Variants in MYD88 observed in about 807,000 individuals in gnomAD.
MYD88 encodes the protein MYD88 innate immune signal transduction adaptor.
Under a neutral mutation model 31.1 loss-of-function variants are expected in MYD88, and 15 were observed. That is an observed-to-expected ratio of 0.48 (90% confidence interval 0.32 to 0.74). The LOEUF is 0.74. MYD88 is among the 30% of genes least tolerant of loss of function. The pLI is 0.03. For missense variants in MYD88, 308 were observed against 387.4 expected, an observed-to-expected ratio of 0.79 and a Z score of 1.72; for synonymous variants, 157 against 158.8, an observed-to-expected ratio of 0.99 and a Z score of 0.08.
In MYD88 at chr3:38,139,188, A is replaced by G; in HGVS notation, c.328+160A>G. 1 of 1,018,774 alleles carries G rather than the reference A, an allele frequency of 9.8e-7. No homozygotes were observed. The highest frequency in any genetic ancestry group is 1.4e-6 in the Non-Finnish European group (1 of 720,760). 63.1% of individuals were successfully genotyped at this position (1,018,774 alleles called of 1,614,324 possible). On this transcript the variant is annotated intron_variant, in intron 1 of 4. Transcript: ENST00000650905. This position sits in a 1 kb window ranked among gnomAD's most constrained non-coding sequence, Gnocchi z 4.7. ...CATGCGGGTCCCGTTCCTTCTTAAT[A>G]ACCGGTCGCGGTTATTAAGAAGGAC...
In MYD88 at chr3:38,138,668, C is replaced by T; in HGVS notation, c.-33C>T. On this transcript the variant is annotated 5_prime_UTR_variant, in exon 1 of 5. Coordinates refer to ENST00000650905, the MANE Select transcript of MYD88 (RefSeq NM_002468.5). The surrounding 1 kb of genome is among the most constrained non-coding windows in gnomAD (Gnocchi z 6.4). Reference sequence around the variant, plus strand: ...GAGGAAGCGCTGGCAGACAATGCGACCCGACCGCGCTGAGGCTCCAGGACC... The same window carrying T: ...GAGGAAGCGCTGGCAGACAATGCGATCCGACCGCGCTGAGGCTCCAGGACC... 1 of 1,557,152 alleles carries T rather than the reference C, an allele frequency of 6.4e-7. No homozygotes were observed. Among genetic ancestry groups the T allele is most frequent in the Non-Finnish European group, 8.7e-7 (1 of 1,150,176 alleles).
chr3:38,141,257 C>T lies in MYD88; in HGVS notation c.862C>T (p.Arg288Cys), dbSNP rs765995806. 6 of 1,614,118 alleles carry T rather than the reference C, an allele frequency of 3.7e-6. No individual in the cohort carries two copies. Among genetic ancestry groups the T allele is most frequent in the African/African-American group, 2.7e-5 (2 of 74,914 alleles). The change falls in exon 5 of 5, where the codon CGC becomes TGC. Residue 288 changes from arginine (R) to cysteine (C), a missense_variant. Physicochemically the swap from Arg to Cys is radical, Grantham distance 180 (BLOSUM62 -3). Transcript: ENST00000650905. ...NPCTKSWFWT[R>C]LAKALSLP ...CTGCACCAAATCTTGGTTCTGGACT[C>T]GCCTTGCCAAGGCCTTGTCCCTGCC...
chr3:38,140,519 C>T lies in MYD88; in HGVS notation c.595C>T (p.Leu199=), dbSNP rs2125778746. ...GTTGTGTGTGTCTGACCGCGATGTC[C>T]TGCCTGGCACCTGTGTCTGGTCTAT... ...LKLCVSDRDV[L]PGTCVWSIAS... The change falls in exon 3 of 5, where the codon CTG becomes TTG. Residue 199 remains leucine, a synonymous_variant. Coordinates refer to ENST00000650905, the MANE Select transcript of MYD88 (RefSeq NM_002468.5). 1.2e-6 allele frequency: 2 copies of T among 1,614,244 alleles called. No homozygotes were observed. Among genetic ancestry groups the T allele is most frequent in the Non-Finnish European group, 1.7e-6 (2 of 1,180,048 alleles).
chr3:38,139,716 G>A lies in MYD88; in HGVS notation c.329-148G>A. On this transcript the variant is annotated intron_variant, in intron 1 of 4. Transcript: ENST00000650905. The surrounding 1 kb of genome is among the most constrained non-coding windows in gnomAD (Gnocchi z 4.7). ...GCCAGTGGGAGCTCAACTTCTCAGA[G>A]CCGTTGAGCTTCGCGTGGCACCAGT... is the stretch of plus-strand genomic sequence containing the variant. 1 of 990,740 alleles carries A rather than the reference G, an allele frequency of 1.0e-6. No individual in the cohort carries two copies. The highest frequency in any genetic ancestry group is 2.5e-5 in the East Asian group (1 of 40,498). 61.4% of individuals were successfully genotyped at this position (990,740 alleles called of 1,614,324 possible).
intron 2 of MYD88, 188 bp from the exon 3 acceptor site, chr3:38,140,200 C>A: frequency 1.1e-6 from 1 of 941,966 alleles, no homozygotes; most frequent in Non-Finnish European, 1.6e-6. Context: ...ATGTCTGTCT[C>A]GTGGTTAATC....
rs1015512101 is a variant in MYD88 at position 38,141,758 on chromosome 3, A to G, written c.*472A>G. ...CTACATGCTGGCCACTGCTGTGACC[A>G]CGACACTGCTGGGGCAGCTTCTTCC... On this transcript the variant is annotated 3_prime_UTR_variant, in exon 5 of 5. Transcript: ENST00000650905. 2.0e-5 allele frequency: 7 copies of G among 353,762 alleles called. No individual in the cohort carries two copies. The highest frequency in any genetic ancestry group is 1.4e-4 in the African/African-American group (7 of 49,550). 21.9% of individuals were successfully genotyped at this position (353,762 alleles called of 1,614,324 possible).
In MYD88 at chr3:38,141,232, C is replaced by T. The variant is rs772838610; in HGVS notation, c.837C>T (p.Pro279=). ...RFITVCDYTN[P]CTKSWFWTRL... is the part of the protein sequence containing the mutation. ...TCACTGTCTGCGACTACACCAACCC[C>T]TGCACCAAATCTTGGTTCTGGACTC... Residue 279 remains proline (P), a synonymous_variant, in exon 5 of 5, where the codon CCC becomes CCT. Transcript: ENST00000650905. 29 of 1,614,112 alleles carry T rather than the reference C, an allele frequency of 1.8e-5. No individual in the cohort carries two copies. The South Asian group carries it at 3.2e-4, about 18-fold the overall frequency.
In MYD88 at chr3:38,139,805, T is replaced by C; in HGVS notation, c.329-59T>C. The stretch of plus-strand genomic sequence containing the variant: ...GGTGGGACAGCGGCTGGATCCTGAC[T>C]GTGGGTAAAGAGGTAGGCACTCCCA... On this transcript the variant is annotated intron_variant, in intron 1 of 4. Transcript: ENST00000650905. This position sits in a 1 kb window ranked among gnomAD's most constrained non-coding sequence, Gnocchi z 4.7. 1 of 1,606,766 alleles carries C rather than the reference T, an allele frequency of 6.2e-7. No individual in the cohort carries two copies. The highest frequency in any genetic ancestry group is 8.5e-7 in the Non-Finnish European group (1 of 1,178,124).
intron 4 of MYD88, 29 bp downstream of exon 4, chr3:38,140,877 A>G (rs2125779870): frequency 6.3e-7 from 1 of 1,599,092 alleles, no homozygotes; most frequent in South Asian, 1.1e-5. Context: ...TGGCAAGAGA[A>G]TGAGGGAATG....
At position 38,139,081 on chromosome 3, in the gene MYD88, T is replaced by C. The variant is rs1701010236; in HGVS notation, c.328+53T>C. 2.6e-6 allele frequency: 4 copies of C among 1,568,438 alleles called. No homozygotes were observed. The highest frequency in any genetic ancestry group is 1.8e-5 in the Admixed American group (1 of 56,844). On this transcript the variant is annotated intron_variant, in intron 1 of 4. Coordinates refer to ENST00000650905, the MANE Select transcript of MYD88 (RefSeq NM_002468.5). The surrounding 1 kb of genome is among the most constrained non-coding windows in gnomAD (Gnocchi z 4.7). ...ACCTGGGGGGTGAGGAGGCTGACTT[T>C]CCGCGGCCTCAGCATCCTGTCTCCC... is the stretch of plus-strand genomic sequence containing the variant.
At chr3:38,140,235 A>G (rs899186553) in intron 2 of MYD88, 153 bp from the exon 3 acceptor site, 5 of 1,002,768 alleles carry the variant, frequency 5.0e-6, no homozygotes, top group Non-Finnish European at 7.6e-6. Context: ...TGAGGTACTC[A>G]TCTTTCCTCT....
intron 2 of MYD88, 107 bp downstream of exon 2, chr3:38,140,105 T>C: frequency 7.0e-7 from 1 of 1,422,400 alleles, no homozygotes; most frequent in Non-Finnish European, 9.7e-7. Flanking sequence ...GCAAGTCACT[T>C]AATCTTTCTG....
In MYD88 at chr3:38,140,497, G is replaced by T. The variant is rs770441444; in HGVS notation, c.573G>T (p.Leu191Phe). 1.2e-6 allele frequency: 2 copies of T among 1,614,252 alleles called. No individual in the cohort carries two copies. Among genetic ancestry groups the T allele is most frequent in the South Asian group, 1.1e-5 (1 of 91,088 alleles). Residue 191 changes from leucine (L) to phenylalanine (F), a missense_variant, in exon 3 of 5, where the codon TTG becomes TTT. By Grantham distance (22) the Leu-to-Phe change is conservative (BLOSUM62 0). Coordinates refer to ENST00000650905, the MANE Select transcript of MYD88 (RefSeq NM_002468.5). ...QLEQTNYRLK[L>F]CVSDRDVLPG... ...AACAGACAAACTATCGACTGAAGTT[G>T]TGTGTGTCTGACCGCGATGTCCTGC...
chr3:38,139,118 C>T lies in MYD88; in HGVS notation c.328+90C>T. The T allele has an allele frequency of 6.9e-7, 1 of 1,459,724 alleles. No homozygotes were observed. 90.4% of individuals were successfully genotyped at this position (1,459,724 alleles called of 1,614,324 possible). ...GCATCCTGTCTCCCATGGAGAGACCCCATTTCCTGCCTCGGGGGCCCGAAG... is the reference window on the plus strand; with the variant it reads ...GCATCCTGTCTCCCATGGAGAGACCTCATTTCCTGCCTCGGGGGCCCGAAG... On this transcript the variant is annotated intron_variant, in intron 1 of 4. Coordinates refer to ENST00000650905, the MANE Select transcript of MYD88 (RefSeq NM_002468.5). The surrounding 1 kb of genome is among the most constrained non-coding windows in gnomAD (Gnocchi z 4.7).
intron 4 of MYD88, 105 bp from the exon 5 acceptor site, chr3:38,141,027 G>A: frequency 6.6e-7 from 1 of 1,508,480 alleles, no homozygotes; most frequent in Non-Finnish European, 9.2e-7. Context: ...TGTGCCAGGG[G>A]TACTTAGATG....
rs897728902 is a variant in MYD88 at position 38,138,998 on chromosome 3, G to A, written c.298G>A (p.Asp100Asn). Residue 100 changes from aspartate (D) to asparagine (N), a missense_variant, in exon 1 of 5, where the codon GAC (aspartate) becomes AAC (asparagine). By Grantham distance (23) the Asp-to-Asn change is conservative (BLOSUM62 1). Coordinates refer to ENST00000650905, the MANE Select transcript of MYD88 (RefSeq NM_002468.5). This position sits in a 1 kb window ranked among gnomAD's most constrained non-coding sequence, Gnocchi z 6.4. The stretch of plus-strand genomic sequence containing the variant: ...GCTGCTTACCAAGCTGGGCCGCGAC[G>A]ACGTGCTGCTGGAGCTGGGACCCAG... ...LELLTKLGRD[D>N]VLLELGPSIE... is the part of the protein sequence containing the mutation. The A allele has an allele frequency of 1.2e-6, 2 of 1,606,250 alleles. No homozygotes were observed. The highest frequency in any genetic ancestry group is 1.7e-6 in the Non-Finnish European group (2 of 1,179,858).
Position 38,142,030 on chromosome 3 carries a change from C to A in MYD88, c.*744C>A. ...TGGGCTGCTTTTCATTTCCACCTGT[C>A]AGGATGCCTGTGGTCATGCTCTCAG... On this transcript the variant is annotated 3_prime_UTR_variant, in exon 5 of 5. Transcript: ENST00000650905. The A allele has an allele frequency of 8.5e-6, 2 of 236,140 alleles. No individual in the cohort carries two copies. The highest frequency in any genetic ancestry group is 5.4e-5 in the Admixed American group (1 of 18,474). 14.6% of individuals were successfully genotyped at this position (236,140 alleles called of 1,614,324 possible).
rs779805093 is a variant in MYD88 at position 38,138,782 on chromosome 3, C to T, written c.82C>T (p.Arg28Ter). 1 of 1,613,208 alleles carries T rather than the reference C, an allele frequency of 6.2e-7. No homozygotes were observed. Among genetic ancestry groups the T allele is most frequent in the Non-Finnish European group, 8.5e-7 (1 of 1,179,982 alleles). ...SSLPLAALNMRVRRRLSLFLN... is the reference protein window; with the variant it reads ...SSLPLAALNM Reference sequence around the variant, plus strand: ...CCTTCCCCTGGCTGCTCTCAACATGCGAGTGCGGCGCCGCCTGTCTCTGTT... The same window carrying T: ...CCTTCCCCTGGCTGCTCTCAACATGTGAGTGCGGCGCCGCCTGTCTCTGTT... Residue 28 changes from arginine (R) to a stop codon, truncating the protein, a stop_gained, in exon 1 of 5, where the codon CGA becomes TGA. Transcript: ENST00000650905. LOFTEE classifies it high-confidence loss of function. The surrounding 1 kb of genome is among the most constrained non-coding windows in gnomAD (Gnocchi z 6.4).
rs1701085550 is a variant in MYD88 at position 38,141,699 on chromosome 3, AGGCTT to A, written c.*418_*422del. ...AGCTCTGGGTCTCCTGGGGGAGACC[AGGCTT>A]GGCTGCGGGAGAGCTGGCTGTTGCT... On this transcript the variant is annotated 3_prime_UTR_variant, in exon 5 of 5. Coordinates refer to ENST00000650905, the MANE Select transcript of MYD88 (RefSeq NM_002468.5). The A allele has an allele frequency of 2.5e-6, 1 of 404,278 alleles. No individual in the cohort carries two copies. The highest frequency in any genetic ancestry group is 3.9e-5 in the Admixed American group (1 of 25,862). The allele number at this position is 404,278 out of a possible 1,614,324, so 25.0% of individuals were successfully genotyped here.
Sources: gnomAD v4.1 joint callset for allele counts on GRCh38, gnomAD v4.1.1 for gene constraint, Gnocchi (gnomAD v3.1) non-coding constraint, MANE v1.5 for transcripts, NCBI Gene and HGNC (gene_info 2026-07-23, HGNC 2026-07-21) for gene names.